The following RIMBP2 variants were observed in gnomAD, a reference collection of about 807,000 sequenced individuals.
RIMBP2 encodes the protein RIMS-binding protein 2.
Under a neutral mutation model 118.6 loss-of-function variants are expected in RIMBP2, and 48 were observed. That is an observed-to-expected ratio of 0.40 (90% CI 0.32 to 0.51). RIMBP2 has a LOEUF of 0.51. Among genes scored for constraint, RIMBP2 ranks in the 20% least tolerant of loss-of-function variants. The pLI is 0.41. For synonymous variants in RIMBP2, 762 were observed against 742.9 expected (o/e 1.03, Z -0.42); for missense variants, 1,551 against 1,768.3 (o/e 0.88, Z 2.20).
In RIMBP2 at chr12:130,434,040, C is replaced by G. The variant is rs1176131185; in HGVS notation, c.2253+694G>C. ...GACATAAACCCAGGCCTGAGAGATG[C>G]CAGTCCCCCTCTCCGGGTATGGGGC... On this transcript the variant is annotated intron_variant, in intron 14 of 22. Coordinates refer to ENST00000690449, the MANE Select transcript of RIMBP2 (RefSeq NM_001393629.1). The surrounding 1 kb of genome is among the most constrained non-coding windows in gnomAD (Gnocchi z 5.7). Among the ~76,000 whole-genome samples the G allele has an allele frequency of 6.6e-6, 1 of 152,172 alleles. No homozygotes were observed. Among genetic ancestry groups the G allele is most frequent in the Non-Finnish European group, 1.5e-5 (1 of 68,046 alleles).
intron 1 of RIMBP2, among the ~76,000 whole-genome samples, chr12:130,650,327 C>T (rs992105210): frequency 5.3e-5 from 8 of 152,230 alleles, no homozygotes; most frequent in Non-Finnish European, 1.0e-4. Context: ...CCTTCCGAAA[C>T]GTGCTGCCAG....
In RIMBP2 at chr12:130,434,126, G is replaced by A. The variant is rs1007013368; in HGVS notation, c.2253+608C>T. 3.9e-5 allele frequency among the ~76,000 whole-genome samples: 6 copies of A among 152,130 alleles called. No homozygotes were observed. The highest frequency in any genetic ancestry group is 8.8e-5 in the Non-Finnish European group (6 of 68,012). The stretch of plus-strand genomic sequence containing the variant: ...GTGATCTGATAACTGCAGCGTCTTC[G>A]AGCTCCCACTATTTAGCATTCCCCA... On this transcript the variant is annotated intron_variant, in intron 14 of 22. Transcript: ENST00000690449. This position sits in a 1 kb window ranked among gnomAD's most constrained non-coding sequence, Gnocchi z 5.7.
chr12:130,479,778 C>T (rs2081793431), intron 4 of RIMBP2, among the ~76,000 whole-genome samples: 1 of 151,910 alleles, frequency 6.6e-6, no homozygotes, highest in South Asian at 2.1e-4. Context: ...TTTTCTGCAG[C>T]AGAGAGGACA....
intron 2 of RIMBP2, among the ~76,000 whole-genome samples, chr12:130,615,208 ATAT>A (rs2060830797): frequency 2.1e-5 from 3 of 144,882 alleles, no homozygotes; most frequent in Admixed American, 7.0e-5. Context: ...CATATACATC[ATAT>A]TATATATTAT....
At chr12:130,629,508 A>T (rs994011267) in intron 1 of RIMBP2, among the ~76,000 whole-genome samples, 4 of 152,192 alleles carry the variant, frequency 2.6e-5, no homozygotes, top group African/African-American at 9.6e-5. Context: ...CAGGAGACTG[A>T]AGTTTATTTT....
In RIMBP2 at chr12:130,647,615, C is replaced by T. The variant is rs577137778; in HGVS notation, c.-351-19159G>A. On this transcript the variant is annotated intron_variant, in intron 1 of 22. Transcript: ENST00000690449. ...TTCCTGAGGGGCCTGGAGGAGGTCA[C>T]ACCCATGAGCCAGAGCTAACATTCT... Among the ~76,000 whole-genome samples, 11 of 145,222 alleles carry T rather than the reference C, an allele frequency of 7.6e-5. 1 individual carries two copies. The highest frequency in any genetic ancestry group is 2.5e-4 in the African/African-American group (10 of 40,716).
chr12:130,411,552 A>G (rs2075715562), intron 19 of RIMBP2, among the ~76,000 whole-genome samples: 1 of 104,776 alleles, frequency 9.5e-6, no homozygotes, highest in African/African-American at 2.9e-5. Flanking sequence ...GAAAAATAGC[A>G]TAAAAAATTT....
intron 1 of RIMBP2, among the ~76,000 whole-genome samples, chr12:130,698,520 C>CTGAGGTGG (rs2136730462): frequency 1.3e-5 from 2 of 152,280 alleles, no homozygotes; most frequent in South Asian, 4.1e-4. Context: ...CTTTGGGAGG[C>CTGAGGTGG]TGAGGTGGGT....
intron 1 of RIMBP2, among the ~76,000 whole-genome samples, chr12:130,685,950 T>A (rs2065021696): frequency 6.6e-6 from 1 of 152,146 alleles, no homozygotes; most frequent in Admixed American, 6.5e-5. Context: ...CCCCAAAGCA[T>A]GAGCCCCAGA....
At chr12:130,453,248 G>A (rs908163112) in intron 7 of RIMBP2, among the ~76,000 whole-genome samples, 3 of 152,170 alleles carry the variant, frequency 2.0e-5, no homozygotes, top group African/African-American at 4.8e-5. Flanking sequence ...TGACTGCAGC[G>A]CCTCACTCTG....
At position 130,424,696 on chromosome 12, in the gene RIMBP2, C is replaced by T. The variant is rs532292722; in HGVS notation, c.2575G>A (p.Ala859Thr). 2.2e-5 allele frequency: 27 copies of T among 1,231,868 alleles called. No homozygotes were observed. In the African/African-American group the frequency reaches 3.4e-4, roughly 16 times the overall value. The allele number at this position is 1,231,868 out of a possible 1,614,324, so 76.3% of individuals were successfully genotyped here. Reference protein sequence around the residue: ...HKQGAGPSPRARTGLAREPRP... With the variant: ...HKQGAGPSPRTRTGLAREPRP... Reference sequence around the variant, plus strand: ...GGCTCTCTGGCCAGCCCCGTCCTGGCCCTGGGGGACGGCCCTGCACCCTGC... The same window carrying T: ...GGCTCTCTGGCCAGCCCCGTCCTGGTCCTGGGGGACGGCCCTGCACCCTGC... Residue 859 changes from alanine (A) to threonine (T), a missense_variant, in exon 16 of 23, where the codon GCC becomes ACC. Physicochemically the swap from Ala to Thr is moderately conservative, Grantham distance 58. Around this residue, in one of 5 missense-constraint regions of RIMBP2, gnomAD observed 1,038 missense variants for 1,125.1 expected, o/e 0.92. Coordinates refer to ENST00000690449, the MANE Select transcript of RIMBP2 (RefSeq NM_001393629.1). This position sits in a 1 kb window ranked among gnomAD's most constrained non-coding sequence, Gnocchi z 9.8.
intron 17 of RIMBP2, chr12:130,414,544 G>T (rs1007669294): frequency 4.1e-5 from 16 of 392,210 alleles, no homozygotes; most frequent in Non-Finnish European, 6.4e-5. Flanking sequence ...CATTGAGACA[G>T]GGCTGGGCCT....
intron 1 of RIMBP2, among the ~76,000 whole-genome samples, chr12:130,675,073 C>T (rs780177728): frequency 2.2e-4 from 34 of 152,320 alleles, no homozygotes; most frequent in Non-Finnish European, 3.4e-4. Flanking sequence ...TCAAAGAGAG[C>T]ATCCTTGATC....
At chr12:130,661,953 A>G (rs1189517185) in intron 1 of RIMBP2, among the ~76,000 whole-genome samples, 1 of 152,194 alleles carries the variant, frequency 6.6e-6, no homozygotes, top group African/African-American at 2.4e-5. Context: ...TCACATGAGC[A>G]AGACCCTTAG....
chr12:130,697,693 C>T (rs2065639807), intron 1 of RIMBP2, among the ~76,000 whole-genome samples: 1 of 149,870 alleles, frequency 6.7e-6, no homozygotes, highest in Non-Finnish European at 1.5e-5. Flanking sequence ...ACAGTGGTGC[C>T]CACCTGTGGT....
At chr12:130,649,465 C>T (rs960937152) in intron 1 of RIMBP2, among the ~76,000 whole-genome samples, 2 of 152,186 alleles carry the variant, frequency 1.3e-5, no homozygotes, top group Non-Finnish European at 2.9e-5. Context: ...CTCCCATTGG[C>T]CAGAACAAGC....
At position 130,578,623 on chromosome 12, in the gene RIMBP2, T is replaced by C. The variant is rs933440293; in HGVS notation, c.-217+49699A>G. On this transcript the variant is annotated intron_variant, in intron 2 of 22. Transcript: ENST00000690449. The surrounding 1 kb of genome is among the most constrained non-coding windows in gnomAD (Gnocchi z 4.1). ...TGCCTGAACAGGCTTCCCTTGGATC[T>C]TCACGTTAGCTCATTCCTTGACATT... Among the ~76,000 whole-genome samples, 7 of 152,246 alleles carry C rather than the reference T, an allele frequency of 4.6e-5. No homozygotes were observed. The highest frequency in any genetic ancestry group is 1.4e-4 in the African/African-American group (6 of 41,454).
chr12:130,539,197 T>A (rs2054342158), intron 2 of RIMBP2, among the ~76,000 whole-genome samples: 1 of 152,240 alleles, frequency 6.6e-6, no homozygotes, highest in Non-Finnish European at 1.5e-5. Flanking sequence ...AATTTGTGTA[T>A]AATGTTTATA....
intron 1 of RIMBP2, among the ~76,000 whole-genome samples, chr12:130,644,602 G>A (rs1203191285): frequency 1.3e-5 from 2 of 152,204 alleles, no homozygotes; most frequent in African/African-American, 4.8e-5. Flanking sequence ...TAAGCCCAGT[G>A]TCTGCGTATA....
Sources: allele counts gnomAD v4.1 joint callset (sites outside exome capture counted in the v4.1 genomes callset), GRCh38; gene constraint gnomAD v4.1.1; regional missense constraint gnomAD v4.1.1; non-coding constraint Gnocchi (gnomAD v3.1); transcripts MANE v1.5; gene names NCBI Gene and HGNC (gene_info 2026-07-23, HGNC 2026-07-21).